Variants in KALRN observed in about 807,000 individuals in gnomAD.
KALRN encodes the protein kalirin.
In KALRN, 70 loss-of-function variants were observed where a neutral mutation model predicts 353.7. That is an observed-to-expected ratio of 0.20 (90% CI 0.16 to 0.24). KALRN has a LOEUF of 0.24. Among genes scored for constraint, KALRN ranks in the 10% least tolerant of loss-of-function variants. The pLI is 1.00. For synonymous variants in KALRN, 1,391 were observed against 1,434.8 expected (o/e 0.97, Z 0.69); for missense variants, 2,791 against 3,756.7 (o/e 0.74, Z 6.72).
At chr3:124,400,737 G>A (rs2090750066) in intron 13 of KALRN, among the ~76,000 whole-genome samples, 1 of 152,166 alleles carries the variant, frequency 6.6e-6, no homozygotes, top group Non-Finnish European at 1.5e-5. Context: ...AGGCTAAGTT[G>A]ATTAAAGTAG....
At chr3:124,179,662 G>A (rs909118175) in intron 1 of KALRN, among the ~76,000 whole-genome samples, 3 of 152,228 alleles carry the variant, frequency 2.0e-5, no homozygotes, top group African/African-American at 7.2e-5. Context: ...ACATACGTGA[G>A]TAATGTGTGT....
At chr3:124,620,286 G>T (rs2079127289) in intron 34 of KALRN, among the ~76,000 whole-genome samples, 1 of 152,056 alleles carries the variant, frequency 6.6e-6, no homozygotes, top group East Asian at 1.9e-4. Context: ...ATTATTTTTA[G>T]TAGAGATGAG....
chr3:124,088,413 A>T (rs1455791684), intron 1 of KALRN, among the ~76,000 whole-genome samples: 1 of 152,178 alleles, frequency 6.6e-6, no homozygotes, highest in East Asian at 1.9e-4. Flanking sequence ...GAGGAATCAT[A>T]AGCTCTAAGA....
intron 55 of KALRN, among the ~76,000 whole-genome samples, chr3:124,699,121 G>A (rs1014686603): frequency 1.3e-5 from 2 of 152,058 alleles, no homozygotes; most frequent in Non-Finnish European, 1.5e-5. Context: ...CAGGCCCTAT[G>A]CAGTTATAAA....
chr3:124,426,130 G>A (rs1465584512), intron 15 of KALRN, among the ~76,000 whole-genome samples: 1 of 152,152 alleles, frequency 6.6e-6, no homozygotes, highest in Admixed American at 6.5e-5. Context: ...TCATTAGACA[G>A]ACTTGTTTTC....
chr3:124,434,459 G>A lies in KALRN; in HGVS notation c.2982G>A (p.Met994Ile), dbSNP rs2093393060. 1.2e-6 allele frequency: 2 copies of A among 1,614,252 alleles called. No homozygotes were observed. The highest frequency in any genetic ancestry group is 1.7e-6 in the Non-Finnish European group (2 of 1,180,028). ...TGGCCCTCCACTGGCAGCAGCTCAT[G>A]CTGAAGATGGAAGACCGGCTAAAAT... is the stretch of plus-strand genomic sequence containing the variant. ...EKVALHWQQL[M>I]LKMEDRLKLV... Residue 994 changes from methionine to isoleucine, a missense_variant, in exon 17 of 60, where the codon ATG (methionine) becomes ATA (isoleucine). Coordinates refer to ENST00000682506, the MANE Select transcript of KALRN (RefSeq NM_001388419.1).
intron 34 of KALRN, among the ~76,000 whole-genome samples, chr3:124,612,226 G>A (rs333325): frequency 0.15 from 22,807 of 151,412 alleles, 4,050 homozygotes; most frequent in African/African-American, 0.4. Flanking sequence ...TTTTTGAGAC[G>A]GAGTTTTGCT....
chr3:124,716,907 C>G (rs2063158371), intron 58 of KALRN, among the ~76,000 whole-genome samples: 2 of 152,220 alleles, frequency 1.3e-5, no homozygotes, highest in African/African-American at 2.4e-5. Flanking sequence ...GCTGAAGTCT[C>G]TCTTGGTGAA....
chr3:124,567,691 T>A (rs994119995), intron 34 of KALRN, among the ~76,000 whole-genome samples: 1 of 152,156 alleles, frequency 6.6e-6, no homozygotes, highest in Non-Finnish European at 1.5e-5. Context: ...TGGATGCACC[T>A]TAGAAACCAC....
intron 1 of KALRN, among the ~76,000 whole-genome samples, chr3:124,131,730 G>A (rs2149697679): frequency 6.6e-6 from 1 of 152,274 alleles, no homozygotes; most frequent in East Asian, 1.9e-4. Flanking sequence ...ACTGCCGGGA[G>A]GTCAGCATCA....
intron 33 of KALRN, among the ~76,000 whole-genome samples, chr3:124,561,699 G>A (rs1577992047): frequency 6.6e-6 from 1 of 152,300 alleles, no homozygotes; most frequent in East Asian, 1.9e-4. Context: ...GACTGAAGTC[G>A]AATTCCTGGA....
Position 124,674,395 on chromosome 3 carries a change from C to G in KALRN, c.6974C>G (p.Ser2325Cys), listed in dbSNP as rs756081490. Residue 2325 changes from serine to cysteine, a missense_variant, in exon 49 of 60, where the codon TCC becomes TGC. Ser to Cys is a moderately radical substitution (Grantham distance 112, BLOSUM62 -1). Coordinates refer to ENST00000682506, the MANE Select transcript of KALRN (RefSeq NM_001388419.1). ...CTGGGAGGCTGCAATGGGACCTCGT[C>G]CATGGCCGTGATCAAAGATTACTAT... ...NDLGGCNGTSSMAVIKDYYAL... is the reference protein window; with the variant it reads ...NDLGGCNGTSCMAVIKDYYAL... The G allele has an allele frequency of 5.0e-6, 8 of 1,613,720 alleles. No homozygotes were observed. The East Asian group carries it at 1.8e-4, about 36-fold the overall frequency.
At chr3:124,681,629 C>CTTTTT (rs56934346) in intron 51 of KALRN, among the ~76,000 whole-genome samples, 68 of 103,706 alleles carry the variant, frequency 6.6e-4, no homozygotes, top group Non-Finnish European at 8.2e-4. Flanking sequence ...CAGTGATTGT[C>CTTTTT]TTTTTTTTTT....
At chr3:124,645,495 T>G (rs1261645890) in intron 37 of KALRN, among the ~76,000 whole-genome samples, 1 of 152,222 alleles carries the variant, frequency 6.6e-6, no homozygotes, top group Non-Finnish European at 1.5e-5. Flanking sequence ...CATCTTGAGT[T>G]AAGTTTTGTT....
At chr3:124,224,270 G>C (rs1210381) in intron 1 of KALRN, among the ~76,000 whole-genome samples, 154 of 149,594 alleles carry the variant, frequency 1.0e-3, no homozygotes, top group African/African-American at 3.6e-3. Context: ...GATTGGTCTA[G>C]AGCAGGAGTG....
At chr3:124,326,383 G>A (rs1380110944) in intron 7 of KALRN, among the ~76,000 whole-genome samples, 1 of 152,210 alleles carries the variant, frequency 6.6e-6, no homozygotes, top group African/African-American at 2.4e-5. Context: ...AACTCTTGGT[G>A]ACTTTGCTTG....
At chr3:124,107,399 A>G (rs2062409058) in intron 1 of KALRN, among the ~76,000 whole-genome samples, 1 of 152,134 alleles carries the variant, frequency 6.6e-6, no homozygotes, top group African/African-American at 2.4e-5. Flanking sequence ...TCAAGACATA[A>G]TTAAGACTAC....
intron 9 of KALRN, among the ~76,000 whole-genome samples, chr3:124,346,157 C>T (rs556571275): frequency 1.3e-4 from 20 of 152,206 alleles, no homozygotes; most frequent in Admixed American, 6.5e-4. Context: ...ATTTACTGAG[C>T]GCCAACTCTT....
chr3:124,532,861 C>T (rs1047989234), intron 33 of KALRN, among the ~76,000 whole-genome samples: 23 of 151,238 alleles, frequency 1.5e-4, no homozygotes, highest in African/African-American at 5.6e-4. Flanking sequence ...GTAATATAAA[C>T]TGATTTCTAC....
Sources: gnomAD v4.1 joint callset for allele counts (sites outside exome capture counted in the v4.1 genomes callset) on GRCh38, gnomAD v4.1.1 for gene constraint, MANE v1.5 for transcripts, NCBI Gene and HGNC (gene_info 2026-07-23, HGNC 2026-07-21) for gene names.